Variants in COL4A4 observed in about 807,000 individuals in gnomAD.
COL4A4 encodes collagen type IV alpha 4 chain.
COL4A4 carries 105 observed loss-of-function variants against 192.9 expected under a neutral mutation model. That is an observed-to-expected ratio of 0.54 (90% confidence interval 0.46 to 0.64). The LOEUF (loss-of-function observed/expected upper bound fraction) is 0.64, where lower values mean the gene tolerates loss of function less well. COL4A4 is among the 30% of genes least tolerant of loss of function. The probability of loss-of-function intolerance (pLI) is 0.00; values close to 1 mark genes in which losing one functional copy is unlikely to be tolerated. For synonymous variants in COL4A4, 762 were observed against 769.9 expected, an observed-to-expected ratio of 0.99 and a Z score of 0.17; for missense variants, 1,967 against 2,169.3, an observed-to-expected ratio of 0.91 and a Z score of 1.85.
chr2:227,094,083 A>G, intron 20 of COL4A4, 42 bp downstream of exon 20: 1 of 1,575,292 alleles, frequency 6.3e-7, no homozygotes, highest in Non-Finnish European at 8.7e-7. Flanking sequence ...AAATATCAAA[A>G]GCAGCATAAA....
At chr2:227,068,137 C>G (rs567959880) in intron 25 of COL4A4, among the ~76,000 whole-genome samples, 29,174 of 146,276 alleles carry the variant, frequency 0.2, 4,529 homozygotes, top group African/African-American at 0.44. Context: ...ATAAATTCCT[C>G]GACACATACA....
Position 227,099,551 on chromosome 2 carries a change from C to T in COL4A4, c.1099+69G>A, listed in dbSNP as rs980509363. 5 of 1,399,078 alleles carry T rather than the reference C, an allele frequency of 3.6e-6. No homozygotes were observed. In the African/African-American group the frequency reaches 7.1e-5, roughly 20 times the overall value. 86.7% of individuals were successfully genotyped at this position (1,399,078 alleles called of 1,614,324 possible). ...CAAGCTATGGAAATACTGGGCCAGA[C>T]TCTTCTGTCCTGGCCACTCAACTCC... is the stretch of plus-strand genomic sequence containing the variant. On this transcript the variant is annotated intron_variant, in intron 18 of 47. Coordinates refer to ENST00000396625, the MANE Select transcript of COL4A4 (RefSeq NM_000092.5).
chr2:227,009,823 A>G (rs1388457290), intron 46 of COL4A4, among the ~76,000 whole-genome samples: 1 of 152,068 alleles, frequency 6.6e-6, no homozygotes, highest in African/African-American at 2.4e-5. Flanking sequence ...AAGGAGCACC[A>G]AAAGATGACC....
At chr2:227,089,024 C>G (rs951596604) in intron 21 of COL4A4, among the ~76,000 whole-genome samples, 2 of 152,082 alleles carry the variant, frequency 1.3e-5, no homozygotes, top group African/African-American at 4.8e-5. Flanking sequence ...GGTGGGCATA[C>G]CATTTCTAAA....
the COL4A4 span, among the ~76,000 whole-genome samples, chr2:226,970,748 G>A: frequency 6.6e-6 from 1 of 152,264 alleles, no homozygotes; most frequent in Middle Eastern, 3.4e-3. Flanking sequence ...GAGGACCATT[G>A]TTTTTGTTTG....
At chr2:227,121,325 G>T (rs541271311) in intron 4 of COL4A4, among the ~76,000 whole-genome samples, 177 bp from the exon 5 acceptor site, 8 of 152,300 alleles carry the variant, frequency 5.3e-5, no homozygotes, top group African/African-American at 1.9e-4. Flanking sequence ...ACTTTGGGAG[G>T]CCGAGACAAC....
chr2:227,104,338 A>C (rs971050921), intron 12 of COL4A4, among the ~76,000 whole-genome samples: 5 of 148,722 alleles, frequency 3.4e-5, no homozygotes, highest in African/African-American at 1.2e-4. Context: ...TGGGAGGCCG[A>C]GGTGGGTGGA....
In COL4A4 at chr2:227,111,594, T is replaced by C. The variant is rs947088355; in HGVS notation, c.594+84A>G. The C allele has an allele frequency of 3.5e-6, 5 of 1,434,818 alleles. No homozygotes were observed. The Admixed American group carries it at 5.0e-5, about 14-fold the overall frequency. The allele number at this position is 1,434,818 out of a possible 1,614,324, so 88.9% of individuals were successfully genotyped here. ...CACTAGGTGAGCCGCACAAATTATGTAGCTGGCTTTGCTGGGATTAAAACG... is the reference window on the plus strand; with the variant it reads ...CACTAGGTGAGCCGCACAAATTATGCAGCTGGCTTTGCTGGGATTAAAACG... On this transcript the variant is annotated intron_variant, in intron 9 of 47. Transcript: ENST00000396625.
At chr2:227,052,873 G>A (rs1974427711) in intron 31 of COL4A4, among the ~76,000 whole-genome samples, 1 of 152,124 alleles carries the variant, frequency 6.6e-6, no homozygotes, top group African/African-American at 2.4e-5. Context: ...ACTTCTGAAA[G>A]GTAGGAAGGG....
chr2:227,002,299 T>C (rs1183017702), downstream of COL4A4, among the ~76,000 whole-genome samples: 1 of 152,034 alleles, frequency 6.6e-6, no homozygotes, highest in Non-Finnish European at 1.5e-5. Flanking sequence ...CAAGTCACAG[T>C]GGTTAAAAGT....
At chr2:227,081,078 C>T (rs1441043654) in intron 23 of COL4A4, among the ~76,000 whole-genome samples, 2 of 152,066 alleles carry the variant, frequency 1.3e-5, no homozygotes, top group Admixed American at 6.6e-5. Context: ...CACTGGAGGC[C>T]GGGATCTGGT....
At position 227,104,046 on chromosome 2, in the gene COL4A4, C is replaced by T; in HGVS notation, c.742G>A (p.Val248Ile). ...GGTCCAGGAGAACCTTGCTGACCAACCTCACCCTTAAAAAAAAAAGCAAGA... is the reference window on the plus strand; with the variant it reads ...GGTCCAGGAGAACCTTGCTGACCAATCTCACCCTTAAAAAAAAAAGCAAGA... ...VKGQMGDPGEVGQQGSPGPTL... is the reference protein window; with the variant it reads ...VKGQMGDPGEIGQQGSPGPTL... Residue 248 changes from valine to isoleucine, a missense_variant, in exon 13 of 48, where the codon GTT becomes ATT. Physicochemically the swap from Val to Ile is conservative, Grantham distance 29. Coordinates refer to ENST00000396625, the MANE Select transcript of COL4A4 (RefSeq NM_000092.5). 6.2e-7 allele frequency: 1 copy of T among 1,612,426 alleles called. No individual in the cohort carries two copies. Among genetic ancestry groups the T allele is most frequent in the Non-Finnish European group, 8.5e-7 (1 of 1,179,570 alleles).
chr2:227,011,226 T>C (rs1048899145), intron 45 of COL4A4, among the ~76,000 whole-genome samples: 1 of 152,184 alleles, frequency 6.6e-6, no homozygotes, highest in Non-Finnish European at 1.5e-5. Flanking sequence ...AAGTTAGACA[T>C]TGAAACCAAA....
chr2:227,097,424 T>C (rs1004588773), intron 19 of COL4A4, among the ~76,000 whole-genome samples: 3 of 152,272 alleles, frequency 2.0e-5, no homozygotes, highest in South Asian at 4.1e-4. Context: ...ATGTTTTTCA[T>C]ATAAATGTAA....
chr2:227,057,361 C>G (rs532756904), intron 29 of COL4A4, 78 bp downstream of exon 29: 3 of 1,487,164 alleles, frequency 2.0e-6, no homozygotes, highest in Non-Finnish European at 2.7e-6. Context: ...CTGGCAGCAT[C>G]CATAAAAGAG....
At chr2:227,096,945 C>A (rs569721858) in intron 19 of COL4A4, among the ~76,000 whole-genome samples, 37 of 152,004 alleles carry the variant, frequency 2.4e-4, no homozygotes, top group Non-Finnish European at 4.6e-4. Context: ...ATAGTAAATA[C>A]CATAGATATT....
rs1484031269 is a variant in COL4A4 at position 227,123,869 on chromosome 2, C to A, written c.193-2721G>T. ...GGGAGAAACAGAGTGAGCACCCAGG[C>A]TATGCGTCAGCCTCCTGGGTTTGAA... On this transcript the variant is annotated intron_variant, in intron 4 of 47. Transcript: ENST00000396625. The surrounding 1 kb of genome is among the most constrained non-coding windows in gnomAD (Gnocchi z 4.6). 6.6e-6 allele frequency among the ~76,000 whole-genome samples: 1 copy of A among 152,228 alleles called. No individual in the cohort carries two copies. Among genetic ancestry groups the A allele is most frequent in the African/African-American group, 2.4e-5 (1 of 41,464 alleles).
At chr2:227,138,893 T>C (rs576801645) in intron 4 of COL4A4, among the ~76,000 whole-genome samples, 1 of 152,314 alleles carries the variant, frequency 6.6e-6, no homozygotes, top group South Asian at 2.1e-4. Flanking sequence ...GACTCCTCTT[T>C]ACTGTACTGT....
intron 43 of COL4A4, among the ~76,000 whole-genome samples, chr2:227,023,910 G>A (rs547003593): frequency 1.3e-3 from 205 of 152,212 alleles, no homozygotes; most frequent in African/African-American, 4.9e-3. Flanking sequence ...GGAGGCTGAG[G>A]GAGGAGAATC....
Sources: allele counts gnomAD v4.1 joint callset (sites outside exome capture counted in the v4.1 genomes callset), GRCh38; gene constraint gnomAD v4.1.1; non-coding constraint Gnocchi (gnomAD v3.1); transcripts MANE v1.5; gene names NCBI Gene and HGNC (gene_info 2026-07-23, HGNC 2026-07-21).